EYS: variants seen among roughly 807,000 people sequenced by gnomAD.
EYS encodes the protein protein eyes shut homolog.
EYS carries 250 observed loss-of-function variants against 282.1 expected under a neutral mutation model. The observed-to-expected ratio is 0.89, with a 90% CI of 0.80 to 0.98. EYS has a LOEUF of 0.98. EYS is among the 50% of genes least tolerant of loss of function. The pLI is 0.00. For missense variants in EYS, 4,016 were observed against 3,709.0 expected (o/e 1.08, Z -2.15); for synonymous variants, 1,355 against 1,282.9 (o/e 1.06, Z -1.20).
intron 11 of EYS, among the ~76,000 whole-genome samples, chr6:65,298,854 C>A (rs960527210): frequency 8.0e-5 from 12 of 149,608 alleles, no homozygotes; most frequent in Non-Finnish European, 1.8e-4. Context: ...ATTTTGTTTT[C>A]AAAGGTTGCA....
chr6:65,607,737 T>G (rs1032605861), intron 2 of EYS, among the ~76,000 whole-genome samples: 4 of 151,868 alleles, frequency 2.6e-5, no homozygotes, highest in Admixed American at 2.0e-4. Flanking sequence ...GAAAATAAAT[T>G]ATATTTAAAA....
intron 2 of EYS, among the ~76,000 whole-genome samples, chr6:65,592,771 G>A (rs1045929265): frequency 4.6e-5 from 7 of 151,932 alleles, no homozygotes; most frequent in Non-Finnish European, 1.0e-4. Flanking sequence ...GTGGGAGCAG[G>A]AGAAATAAAA....
chr6:64,381,353 C>G (rs1055365071), intron 29 of EYS, among the ~76,000 whole-genome samples: 1 of 152,124 alleles, frequency 6.6e-6, no homozygotes, highest in Non-Finnish European at 1.5e-5. Context: ...TCTTTATCAT[C>G]TACCAAACAT....
At chr6:65,596,866 G>A (rs1765427303) in intron 2 of EYS, among the ~76,000 whole-genome samples, 1 of 152,002 alleles carries the variant, frequency 6.6e-6, no homozygotes, top group South Asian at 2.1e-4. Flanking sequence ...TATTTAGTGG[G>A]ATGATAAGAT....
chr6:64,523,973 T>C (rs1247637115), intron 26 of EYS, among the ~76,000 whole-genome samples: 1 of 151,758 alleles, frequency 6.6e-6, no homozygotes, highest in Non-Finnish European at 1.5e-5. Context: ...TTAGTATTTA[T>C]AACTTCTGAT....
chr6:64,922,587 A>G (rs1181610719), intron 15 of EYS, among the ~76,000 whole-genome samples: 2 of 152,212 alleles, frequency 1.3e-5, no homozygotes, highest in African/African-American at 4.8e-5. Context: ...AATGAGAGGA[A>G]TCCCAATGGC....
chr6:63,987,748 G>C (rs571747538), intron 34 of EYS, among the ~76,000 whole-genome samples: 14 of 151,562 alleles, frequency 9.2e-5, no homozygotes, highest in Admixed American at 6.6e-4. Context: ...TACTGTCATT[G>C]CCAGAATTAA....
At chr6:65,031,768 A>G (rs1295326560) in intron 13 of EYS, among the ~76,000 whole-genome samples, 2 of 152,144 alleles carry the variant, frequency 1.3e-5, no homozygotes, top group Admixed American at 6.5e-5. Flanking sequence ...AAAGGCTCAC[A>G]TCAAAGAGTT....
chr6:64,104,428 G>C (rs1772936582), intron 31 of EYS, among the ~76,000 whole-genome samples: 1 of 152,080 alleles, frequency 6.6e-6, no homozygotes, highest in Admixed American at 6.6e-5. Flanking sequence ...GCACATAACT[G>C]TTTAGCAAGG....
chr6:64,051,780 T>A (rs1241088484), intron 33 of EYS, among the ~76,000 whole-genome samples: 1 of 152,180 alleles, frequency 6.6e-6, no homozygotes, highest in East Asian at 1.9e-4. Flanking sequence ...GAGTCAGGTG[T>A]TCTGAAGGCC....
chr6:64,737,523 C>T (rs1772222160), intron 22 of EYS, among the ~76,000 whole-genome samples: 1 of 152,194 alleles, frequency 6.6e-6, no homozygotes, highest in Admixed American at 6.5e-5. Flanking sequence ...GATTCAGCCA[C>T]AAAGATGGCA....
intron 22 of EYS, among the ~76,000 whole-genome samples, chr6:64,643,041 G>A (rs1191002355): frequency 6.6e-6 from 1 of 152,030 alleles, no homozygotes; most frequent in Non-Finnish European, 1.5e-5. Context: ...CTTGAACCTG[G>A]GAGGCAGAGA....
chr6:65,402,515 C>A lies in EYS; in HGVS notation c.1147G>T (p.Ala383Ser), dbSNP rs760420364. Residue 383 changes from alanine (A) to serine (S), a missense_variant, in exon 7 of 43, where the codon GCT becomes TCT. Physicochemically the swap from Ala to Ser is moderately conservative, Grantham distance 99 (BLOSUM62 1). Transcript: ENST00000503581. ...SCESFPLRNN[A>S]TCKKCEKDYP... ...TCTTTCTCACATTTCTTACATGTAG[C>A]ATTATTCCTCAAAGGAAATGACTCA... is the stretch of plus-strand genomic sequence containing the variant. 6.5e-7 allele frequency: 1 copy of A among 1,534,596 alleles called. No individual in the cohort carries two copies. The highest frequency in any genetic ancestry group is 1.4e-5 in the African/African-American group (1 of 73,192).
intron 13 of EYS, among the ~76,000 whole-genome samples, chr6:65,020,098 A>C (rs941037271): frequency 4.6e-5 from 7 of 152,244 alleles, no homozygotes; most frequent in Admixed American, 2.0e-4. Flanking sequence ...GTGGGGAGAC[A>C]GCCAAACCAT....
intron 12 of EYS, among the ~76,000 whole-genome samples, chr6:65,199,749 G>A (rs1765854765): frequency 6.6e-6 from 1 of 152,010 alleles, no homozygotes; most frequent in South Asian, 2.1e-4. Context: ...GTGGTAAGCT[G>A]AATAGCAGAA....
At position 64,902,386 on chromosome 6, in the gene EYS, T is replaced by A; in HGVS notation, c.2738+18A>T. 1 of 1,504,990 alleles carries A rather than the reference T, an allele frequency of 6.6e-7. No individual in the cohort carries two copies. Among genetic ancestry groups the A allele is most frequent in the South Asian group, 1.3e-5 (1 of 79,702 alleles). 93.2% of individuals were successfully genotyped at this position (1,504,990 alleles called of 1,614,324 possible). On this transcript the variant is annotated intron_variant, in intron 17 of 42. Transcript: ENST00000503581. ...GACACATAAACATGTATCTAGATAC[T>A]TTTTAAGTTTTCTGTACCTGAAATT...
At chr6:65,338,757 A>G (rs749739030) in intron 10 of EYS, among the ~76,000 whole-genome samples, 27 of 151,130 alleles carry the variant, frequency 1.8e-4, no homozygotes, top group South Asian at 4.1e-4. Context: ...CAGAAGTAAA[A>G]CAAACAGCTG....
At chr6:63,872,341 G>T (rs1351605) in intron 35 of EYS, among the ~76,000 whole-genome samples, 76,224 of 151,742 alleles carry the variant, frequency 0.5, 20,622 homozygotes, top group African/African-American at 0.7. Flanking sequence ...CAAGTGTGTA[G>T]GTATGTGTGT....
intron 29 of EYS, among the ~76,000 whole-genome samples, chr6:64,333,824 C>T (rs190354223): frequency 6.6e-6 from 1 of 152,176 alleles, no homozygotes; most frequent in Admixed American, 6.5e-5. Context: ...ATGTGTTTAC[C>T]CAGCTAGCCA....
Sources: allele counts gnomAD v4.1 joint callset (sites outside exome capture counted in the v4.1 genomes callset), GRCh38; gene constraint gnomAD v4.1.1; transcripts MANE v1.5; gene names NCBI Gene and HGNC (gene_info 2026-07-23, HGNC 2026-07-21).